The following UBE4B variants were observed in gnomAD, a reference collection of about 807,000 sequenced individuals.
UBE4B encodes ubiquitination factor E4B.
A neutral mutation model predicts 148.1 loss-of-function variants in UBE4B; 27 were observed. The observed-to-expected ratio is 0.18, with a 90% CI of 0.13 to 0.25. The LOEUF (loss-of-function observed/expected upper bound fraction) is 0.25, where lower values mean the gene tolerates loss of function less well. UBE4B is among the 10% of genes least tolerant of loss of function. UBE4B has a pLI of 1.00. For synonymous variants in UBE4B, 596 were observed against 619.3 expected, an observed-to-expected ratio of 0.96 and a Z score of 0.56; for missense variants, 1,170 against 1,662.4, an observed-to-expected ratio of 0.70 and a Z score of 5.15.
rs372828525 is a variant in UBE4B, at chr1:10,072,158, G to A, written c.155G>A (p.Ser52Asn). ...GCATCAGCCCCAGGACCCTCTCAGA[G>A]TCTTGGTCTCAATGTCCACAACATG... is the stretch of plus-strand genomic sequence containing the variant. ...IAASAPGPSQ[S>N]LGLNVHNMTP... The change falls in exon 2 of 28, where the codon AGT becomes AAT. Residue 52 changes from serine (S) to asparagine (N), a missense_variant. Physicochemically the swap from Ser to Asn is conservative, Grantham distance 46. This residue lies in a region of UBE4B where 127 missense variants were observed against 153.2 expected (regional missense o/e 0.83). Transcript: ENST00000343090. The A allele has an allele frequency of 5.7e-5, 92 of 1,613,910 alleles. 1 individual carries two copies. In the South Asian group the frequency reaches 6.1e-4, roughly 11 times the overall value.
At chr1:10,179,197 T>TC in intron 26 of UBE4B, 2 of 570,472 alleles carry the variant, frequency 3.5e-6, no homozygotes, top group Non-Finnish European at 6.0e-6. Context: ...CTCTGTTCCC[T>TC]CCCCCCAGCA....
At chr1:10,145,070 C>A in intron 18 of UBE4B, 31 bp downstream of exon 18, 1 of 1,561,518 alleles carries the variant, frequency 6.4e-7, no homozygotes, top group East Asian at 2.2e-5. Flanking sequence ...TAATTATAGA[C>A]CAGCCTCATA....
At chr1:10,113,616 C>T (rs1035488755) in intron 7 of UBE4B, among the ~76,000 whole-genome samples, 2 of 152,084 alleles carry the variant, frequency 1.3e-5, no homozygotes, top group South Asian at 2.1e-4. Context: ...AAAATGAAGT[C>T]GGATGTATTG....
chr1:10,103,526 G>A (rs1249769917), intron 5 of UBE4B, among the ~76,000 whole-genome samples: 2 of 151,180 alleles, frequency 1.3e-5, no homozygotes, highest in African/African-American at 2.4e-5. Flanking sequence ...TCTGCCTCCC[G>A]AGTTCAAGTG....
At chr1:10,153,233 C>T (rs1020850211) in intron 21 of UBE4B, among the ~76,000 whole-genome samples, 3 of 151,896 alleles carry the variant, frequency 2.0e-5, no homozygotes, top group Non-Finnish European at 4.4e-5. Context: ...GGGCTGGGCA[C>T]GGTGACTCCA....
chr1:10,156,070 G>C (rs1196546306), intron 21 of UBE4B, among the ~76,000 whole-genome samples: 1 of 151,682 alleles, frequency 6.6e-6, no homozygotes, highest in African/African-American at 2.4e-5. Context: ...GAATACCTGG[G>C]GGGAGGAGGG....
chr1:10,138,734 A>G (rs1645737342), intron 17 of UBE4B, among the ~76,000 whole-genome samples: 1 of 152,104 alleles, frequency 6.6e-6, no homozygotes, highest in African/African-American at 2.4e-5. Flanking sequence ...TGGTGGAGGA[A>G]AGCTTTCTAT....
intron 1 of UBE4B, among the ~76,000 whole-genome samples, chr1:10,034,912 T>C (rs1171580528): frequency 6.6e-6 from 1 of 152,198 alleles, no homozygotes; most frequent in Non-Finnish European, 1.5e-5. Context: ...AGCAGAAATG[T>C]AATCTTAAGT....
At chr1:10,066,310 G>A (rs545041863) in intron 1 of UBE4B, among the ~76,000 whole-genome samples, 8 of 151,488 alleles carry the variant, frequency 5.3e-5, no homozygotes, top group South Asian at 2.1e-4. Flanking sequence ...GTGGGATTGG[G>A]GGGGGAGGGG....
chr1:10,139,404 A>C (rs1463958620), intron 17 of UBE4B, among the ~76,000 whole-genome samples: 1 of 152,150 alleles, frequency 6.6e-6, no homozygotes, highest in Non-Finnish European at 1.5e-5. Flanking sequence ...AAGAAAAAAA[A>C]AAAGAAAGAA....
At chr1:10,063,879 G>C (rs541467069) in intron 1 of UBE4B, among the ~76,000 whole-genome samples, 1 of 150,912 alleles carries the variant, frequency 6.6e-6, no homozygotes, top group East Asian at 1.9e-4. Context: ...TTGCACTTCA[G>C]CCTGGGCAAC....
At position 10,141,634 on chromosome 1, in the gene UBE4B, A is replaced by G. The variant is rs544003451; in HGVS notation, c.2364-3306A>G. 1.2e-4 allele frequency among the ~76,000 whole-genome samples: 19 copies of G among 152,290 alleles called. No homozygotes were observed. In the South Asian group the frequency reaches 3.9e-3, roughly 32 times the overall value. On this transcript the variant is annotated intron_variant, in intron 17 of 27. Transcript: ENST00000343090. ...TTCTTCAAATATGTGCTTCTGTTGCATCCAATTTTGTAATAATGCCATAAG... is the reference window on the plus strand; with the variant it reads ...TTCTTCAAATATGTGCTTCTGTTGCGTCCAATTTTGTAATAATGCCATAAG...
At chr1:10,163,384 A>G (rs552720594) in intron 23 of UBE4B, 2 of 152,314 alleles carry the variant, frequency 1.3e-5, no homozygotes, top group Admixed American at 1.3e-4. Flanking sequence ...AAAAATAAAT[A>G]TTAGGCCAGG....
At chr1:10,037,924 T>C (rs1302108614) in intron 1 of UBE4B, among the ~76,000 whole-genome samples, 2 of 152,138 alleles carry the variant, frequency 1.3e-5, no homozygotes, top group African/African-American at 2.4e-5. Context: ...CTCTCCTAAC[T>C]CTTCTTTATG....
chr1:10,046,701 G>A (rs1643920481), intron 1 of UBE4B, among the ~76,000 whole-genome samples: 1 of 152,090 alleles, frequency 6.6e-6, no homozygotes, highest in Non-Finnish European at 1.5e-5. Flanking sequence ...CTTTTCCTCT[G>A]GGGTCAGATC....
chr1:10,105,846 G>T, intron 6 of UBE4B, 102 bp downstream of exon 6: 40 of 1,135,772 alleles, frequency 3.5e-5, no homozygotes, highest in Non-Finnish European at 4.4e-5. Flanking sequence ...TGTCATACAG[G>T]GTATGGCATA....
At chr1:10,068,628 G>A (rs1358177473) in intron 1 of UBE4B, among the ~76,000 whole-genome samples, 1 of 152,052 alleles carries the variant, frequency 6.6e-6, no homozygotes, top group African/African-American at 2.4e-5. Flanking sequence ...TGGGATTACA[G>A]GCATGAGCCA....
At chr1:10,126,298 T>C (rs980206330) in intron 10 of UBE4B, among the ~76,000 whole-genome samples, 6 of 145,940 alleles carry the variant, frequency 4.1e-5, no homozygotes, top group African/African-American at 1.6e-4. Context: ...AGACTCCGTC[T>C]CAATATAGAT....
chr1:10,149,316 A>G, intron 20 of UBE4B, 34 bp downstream of exon 20: 2 of 1,487,806 alleles, frequency 1.3e-6, no homozygotes, highest in Non-Finnish European at 1.8e-6. Flanking sequence ...TAGTTCTAAT[A>G]TGTTTTTATG....
Sources: allele counts gnomAD v4.1 joint callset (sites outside exome capture counted in the v4.1 genomes callset), GRCh38; gene constraint gnomAD v4.1.1; regional missense constraint gnomAD v4.1.1; transcripts MANE v1.5; gene names NCBI Gene and HGNC (gene_info 2026-07-23, HGNC 2026-07-21).